DDX17: variants seen among roughly 807,000 people sequenced by gnomAD.
The protein encoded by DDX17 is DEAD-box helicase 17.
A neutral mutation model predicts 80.8 loss-of-function variants in DDX17; 10 were observed. The observed-to-expected ratio is 0.12, with a 90% CI of 0.08 to 0.21. The LOEUF is 0.21. DDX17 is among the 10% of genes least tolerant of loss of function. DDX17 has a pLI of 1.00. For synonymous variants in DDX17, 339 were observed against 336.2 expected, an observed-to-expected ratio of 1.01 and a Z score of -0.09; for missense variants, 586 against 957.4, an observed-to-expected ratio of 0.61 and a Z score of 5.12.
At chr22:38,500,506 T>A (rs539409156) in intron 2 of DDX17, among the ~76,000 whole-genome samples, 1 of 151,180 alleles carries the variant, frequency 6.6e-6, no homozygotes, top group Non-Finnish European at 1.5e-5. Flanking sequence ...AGAGCAAGAT[T>A]CCGTCTCAAA....
intron 10 of DDX17, 37 bp from the exon 11 acceptor site, chr22:38,492,152 T>C: frequency 6.5e-7 from 1 of 1,543,798 alleles, no homozygotes; most frequent in Non-Finnish European, 8.9e-7. Flanking sequence ...CAAATAAGCA[T>C]TCCTTGCTAT....
rs994834641 is a variant in DDX17, at chr22:38,502,375, T to C, written c.288-1095A>G. On this transcript the variant is annotated intron_variant, in intron 1 of 12. Coordinates refer to ENST00000403230, the MANE Select transcript of DDX17 (RefSeq NM_006386.5). Reference sequence around the variant, plus strand: ...GTTGCAGTGAGCTGAAATGGCACCATAGCACTCCAGCCTGGTAGACAGAGG... The same window carrying C: ...GTTGCAGTGAGCTGAAATGGCACCACAGCACTCCAGCCTGGTAGACAGAGG... 2.4e-4 allele frequency among the ~76,000 whole-genome samples: 33 copies of C among 136,946 alleles called. 1 individual carries two copies. Among genetic ancestry groups the C allele is most frequent in the Admixed American group, 9.6e-4 (12 of 12,496 alleles). 89.8% of individuals were successfully genotyped at this position (136,946 alleles called of 152,430 possible). A position where few individuals can be genotyped will look rare whatever the true frequency, so the allele number is the denominator to read the frequency against.
intron 3 of DDX17, among the ~76,000 whole-genome samples, chr22:38,498,803 G>T (rs2089796014): frequency 6.6e-6 from 1 of 152,118 alleles, no homozygotes; most frequent in African/African-American, 2.4e-5. Flanking sequence ...GGCCAGTGGA[G>T]GCCAGGAGTT....
At chr22:38,498,038 A>G (rs1277785485) in intron 5 of DDX17, 47 bp downstream of exon 5, 1 of 1,572,282 alleles carries the variant, frequency 6.4e-7, no homozygotes. Flanking sequence ...AATAGTCGCT[A>G]AATTGTAGTT....
In DDX17 at chr22:38,489,368, G is replaced by A. The variant is rs1051815109; in HGVS notation, c.1448-1253C>T. 20 of 985,536 alleles carry A rather than the reference G, an allele frequency of 2.0e-5. No homozygotes were observed. The East Asian group carries it at 7.9e-4, about 39-fold the overall frequency. The allele number at this position is 985,536 out of a possible 1,614,324, so 61.0% of individuals were successfully genotyped here. On this transcript the variant is annotated intron_variant, in intron 11 of 12. Coordinates refer to ENST00000403230, the MANE Select transcript of DDX17 (RefSeq NM_006386.5). This position sits in a 1 kb window ranked among gnomAD's most constrained non-coding sequence, Gnocchi z 4.6. ...CGCGGGGAGCATGCATCAAGGGTCC[G>A]TGGCAGTGAGAAGTCCCCACACACG...
rs528991588 is a variant in DDX17, at chr22:38,483,642, A to G, written c.*2293T>C. 3.9e-5 allele frequency: 6 copies of G among 152,772 alleles called. No individual in the cohort carries two copies. Among genetic ancestry groups the G allele is most frequent in the African/African-American group, 1.4e-4 (6 of 41,584 alleles). 9.5% of individuals were successfully genotyped at this position (152,772 alleles called of 1,614,324 possible). A position where few individuals can be genotyped will look rare whatever the true frequency, so the allele number is the denominator to read the frequency against. ...ACATCAATAGAGAGCACTGATCCCA[A>G]GCAAAAGCCACTAACCTTTTAGATG... On this transcript the variant is annotated 3_prime_UTR_variant, in exon 13 of 13. Transcript: ENST00000403230.
chr22:38,499,762 G>GA (rs910588125), intron 2 of DDX17, among the ~76,000 whole-genome samples: 6 of 151,576 alleles, frequency 4.0e-5, no homozygotes, highest in Non-Finnish European at 7.4e-5. Context: ...GAATGAGAAG[G>GA]AAAAAAAAGT....
At chr22:38,502,902 G>GTATT (rs1160537630) in intron 1 of DDX17, among the ~76,000 whole-genome samples, 2 of 152,168 alleles carry the variant, frequency 1.3e-5, no homozygotes, top group Admixed American at 1.3e-4. Context: ...GCAAGTAGGT[G>GTATT]TATTATTCTA....
At chr22:38,492,843 G>C (rs1312885712) in intron 10 of DDX17, among the ~76,000 whole-genome samples, 1 of 152,036 alleles carries the variant, frequency 6.6e-6, no homozygotes, top group Non-Finnish European at 1.5e-5. Flanking sequence ...CTTCCCTTAA[G>C]AGTAGTCCTG....
intron 7 of DDX17, 34 bp downstream of exon 7, chr22:38,494,852 G>A (rs2089745094): frequency 6.2e-7 from 1 of 1,613,686 alleles, no homozygotes; most frequent in South Asian, 1.1e-5. Context: ...TTGGACAAAT[G>A]GCATAAAGAC....
At chr22:38,500,879 C>T (rs1321144432) in intron 2 of DDX17, among the ~76,000 whole-genome samples, 1 of 140,272 alleles carries the variant, frequency 7.1e-6, no homozygotes, top group Non-Finnish European at 1.5e-5. Context: ...GCCTGTAATC[C>T]TAGCACTTTG....
chr22:38,497,319 A>AAAAAAAAAC, intron 5 of DDX17, among the ~76,000 whole-genome samples: 1 of 146,194 alleles, frequency 6.8e-6, no homozygotes, highest in African/African-American at 2.5e-5. Flanking sequence ...AAAAAAAAAA[A>AAAAAAAAAC]AAAGTACACA....
At chr22:38,491,913 C>A in intron 11 of DDX17, 143 bp downstream of exon 11, 1 of 556,290 alleles carries the variant, frequency 1.8e-6, no homozygotes. Flanking sequence ...TGGGGAGAAT[C>A]ACGCTTTGTA....
chr22:38,497,634 A>AAAAG (rs1569141170), intron 5 of DDX17, among the ~76,000 whole-genome samples: 5 of 149,890 alleles, frequency 3.3e-5, no homozygotes, highest in Non-Finnish European at 5.9e-5. Flanking sequence ...AAAAAAAAAA[A>AAAAG]AAAGAAAGAA....
rs2089629899 is a variant in DDX17, at chr22:38,484,098, G to A, written c.*1837C>T. 1.3e-5 allele frequency: 2 copies of A among 152,482 alleles called. No individual in the cohort carries two copies. Among genetic ancestry groups the A allele is most frequent in the Non-Finnish European group, 2.9e-5 (2 of 68,022 alleles). 9.4% of individuals were successfully genotyped at this position (152,482 alleles called of 1,614,324 possible). The stretch of plus-strand genomic sequence containing the variant: ...GAAAGAAGAAAAAAACCCAGAATTT[G>A]GTTGTAGAAAACAATGCCCACAACA... On this transcript the variant is annotated 3_prime_UTR_variant, in exon 13 of 13. Transcript: ENST00000403230.
chr22:38,504,419 T>C (rs1429760733), intron 1 of DDX17, among the ~76,000 whole-genome samples: 2 of 152,210 alleles, frequency 1.3e-5, no homozygotes, highest in African/African-American at 4.8e-5. Context: ...TGTGCAAGGA[T>C]TTCTCTAGGC....
In DDX17 at chr22:38,484,866, T is replaced by G. The variant is rs561938340; in HGVS notation, c.*1069A>C. Reference sequence around the variant, plus strand: ...TGCAGAGAACAGGGTATGAAGAAAATAAAGAGTTCTTAATAAACCCTTAAG... The same window carrying G: ...TGCAGAGAACAGGGTATGAAGAAAAGAAAGAGTTCTTAATAAACCCTTAAG... On this transcript the variant is annotated 3_prime_UTR_variant, in exon 13 of 13. Coordinates refer to ENST00000403230, the MANE Select transcript of DDX17 (RefSeq NM_006386.5). 6.6e-6 allele frequency: 1 copy of G among 152,278 alleles called. No individual in the cohort carries two copies. The highest frequency in any genetic ancestry group is 2.1e-4 in the South Asian group (1 of 4,832). The allele number at this position is 152,278 out of a possible 1,614,324, so 9.4% of individuals were successfully genotyped here. A position where few individuals can be genotyped will look rare whatever the true frequency, so the allele number is the denominator to read the frequency against.
chr22:38,505,942 C>G lies in DDX17; in HGVS notation c.287+9G>C. Reference sequence around the variant, plus strand: ...ACGCCAGGCCTCTCCTCTCCTCCCCCACCCTTACCCTCCACGGTCACGATC... The same window carrying G: ...ACGCCAGGCCTCTCCTCTCCTCCCCGACCCTTACCCTCCACGGTCACGATC... On this transcript the variant is annotated intron_variant, in intron 1 of 12. Transcript: ENST00000403230. The G allele has an allele frequency of 1.3e-6, 2 of 1,564,500 alleles. No homozygotes were observed. Among genetic ancestry groups the G allele is most frequent in the Admixed American group, 1.9e-5 (1 of 52,348 alleles).
chr22:38,485,875 A>G lies in DDX17; in HGVS notation c.*60T>C, dbSNP rs773165596. On this transcript the variant is annotated 3_prime_UTR_variant, in exon 13 of 13. Transcript: ENST00000403230. ...AAAAGGCGAAGAGGAAAAAAAAAGGAAAGACAGTGTTCCTTAAAATGTAAT... is the reference window on the plus strand; with the variant it reads ...AAAAGGCGAAGAGGAAAAAAAAAGGGAAGACAGTGTTCCTTAAAATGTAAT... 35 of 1,529,538 alleles carry G rather than the reference A, an allele frequency of 2.3e-5. No individual in the cohort carries two copies. The South Asian group carries it at 4.0e-4, about 18-fold the overall frequency. The allele number at this position is 1,529,538 out of a possible 1,614,324, so 94.7% of individuals were successfully genotyped here. A position where few individuals can be genotyped will look rare whatever the true frequency, so the allele number is the denominator to read the frequency against.
Sources: gnomAD v4.1 joint callset for allele counts (sites outside exome capture counted in the v4.1 genomes callset) on GRCh38, gnomAD v4.1.1 for gene constraint, Gnocchi (gnomAD v3.1) non-coding constraint, MANE v1.5 for transcripts, NCBI Gene and HGNC (gene_info 2026-07-23, HGNC 2026-07-21) for gene names.